HMGA2: variants seen among roughly 807,000 people sequenced by gnomAD.
HMGA2 encodes high mobility group AT-hook 2.
HMGA2 carries 8 observed loss-of-function variants against 19.1 expected under a neutral mutation model. The observed-to-expected ratio is 0.42, with a 90% CI of 0.25 to 0.76. The LOEUF (loss-of-function observed/expected upper bound fraction) is 0.76. Ranked by LOEUF, HMGA2 falls within the 30% of genes least tolerant of loss-of-function variation. HMGA2 has a pLI of 0.28. For missense variants in HMGA2, 109 were observed against 136.3 expected (o/e 0.80, Z 1.00); for synonymous variants, 60 against 48.8 (o/e 1.23, Z -0.96).
intron 3 of HMGA2, among the ~76,000 whole-genome samples, chr12:65,904,628 A>G (rs754547744): frequency 6.6e-6 from 1 of 152,314 alleles, no homozygotes; most frequent in Non-Finnish European, 1.5e-5. Context: ...AATTGATTCA[A>G]ATAATTGTTT....
rs1250516600 is a variant in HMGA2 at position 65,896,101 on chromosome 12, A to T, written c.250-55282A>T. Among the ~76,000 whole-genome samples the T allele has an allele frequency of 2.0e-5, 3 of 152,354 alleles. No homozygotes were observed. In the East Asian group the frequency reaches 5.8e-4, roughly 29 times the overall value. ...TACTATAAAATGGTGGTTTGAGTAG[A>T]AGTTCTGTAGTTCATCCTTATCAGA... On this transcript the variant is annotated intron_variant, in intron 3 of 4. Coordinates refer to ENST00000403681, the MANE Select transcript of HMGA2 (RefSeq NM_003483.6).
At chr12:65,934,062 T>C (rs1410112603) in intron 3 of HMGA2, among the ~76,000 whole-genome samples, 2 of 152,232 alleles carry the variant, frequency 1.3e-5, no homozygotes, top group African/African-American at 4.8e-5. Context: ...TTACATGTGT[T>C]TGTATATTCA....
intron 3 of HMGA2, among the ~76,000 whole-genome samples, chr12:65,875,337 T>G (rs1490707806): frequency 1.3e-5 from 2 of 152,220 alleles, no homozygotes; most frequent in Non-Finnish European, 2.9e-5. Context: ...GCTTGCAGTT[T>G]ATGACAACTG....
At chr12:65,919,100 T>G (rs1475624457) in intron 3 of HMGA2, among the ~76,000 whole-genome samples, 1 of 152,200 alleles carries the variant, frequency 6.6e-6, no homozygotes, top group African/African-American at 2.4e-5. Context: ...GATAAGAACA[T>G]TTATCAGACC....
rs1024126561 is a variant in HMGA2, at chr12:65,886,195, GT to G, written c.249+47628del. Among the ~76,000 whole-genome samples the G allele has an allele frequency of 2.6e-5, 4 of 152,186 alleles. No individual in the cohort carries two copies. The South Asian group carries it at 6.2e-4, about 24-fold the overall frequency. ...TTTATTTTCACCATTCTTAAAAACT[GT>G]TCATTGACTAAATGATACACAGATT... On this transcript the variant is annotated intron_variant, in intron 3 of 4. Coordinates refer to ENST00000403681, the MANE Select transcript of HMGA2 (RefSeq NM_003483.6).
intron 3 of HMGA2, among the ~76,000 whole-genome samples, chr12:65,927,449 G>A (rs1360838398): frequency 3.9e-5 from 6 of 152,164 alleles, no homozygotes; most frequent in African/African-American, 1.4e-4. Flanking sequence ...AAACCACACT[G>A]GAAAAGACAG....
chr12:65,934,816 T>G (rs1875837923), intron 3 of HMGA2: 1 of 152,172 alleles, frequency 6.6e-6, no homozygotes, highest in Non-Finnish European at 1.5e-5. Context: ...GCATGAGTGG[T>G]GAGTATCCAT....
At chr12:65,870,932 G>T (rs1012381963) in intron 3 of HMGA2, among the ~76,000 whole-genome samples, 2 of 152,158 alleles carry the variant, frequency 1.3e-5, no homozygotes, top group Admixed American at 6.5e-5. Flanking sequence ...ACGCTTTGTG[G>T]TAGCAGGTCA....
At chr12:65,915,515 T>C in intron 3 of HMGA2, 7 of 1,182,670 alleles carry the variant, frequency 5.9e-6, no homozygotes, top group Non-Finnish European at 7.4e-6. Context: ...ATAAAACAGA[T>C]GCTTAAAAAG....
At chr12:65,886,834 G>C (rs1212921669) in intron 3 of HMGA2, among the ~76,000 whole-genome samples, 1 of 152,102 alleles carries the variant, frequency 6.6e-6, no homozygotes, top group African/African-American at 2.4e-5. Flanking sequence ...AACCCACAGC[G>C]GTCACTTTCA....
chr12:65,898,723 C>T (rs1002710442), intron 3 of HMGA2, among the ~76,000 whole-genome samples: 6 of 152,102 alleles, frequency 3.9e-5, no homozygotes, highest in African/African-American at 1.4e-4. Flanking sequence ...AGCCTCCCTG[C>T]CAAATCATGT....
At chr12:65,950,361 T>C (rs1206908003) in intron 3 of HMGA2, among the ~76,000 whole-genome samples, 1 of 152,150 alleles carries the variant, frequency 6.6e-6, no homozygotes, top group Non-Finnish European at 1.5e-5. Flanking sequence ...CAAGGGAAAA[T>C]TATTTAGCAT....
At chr12:65,923,949 G>T (rs994079915) in intron 3 of HMGA2, among the ~76,000 whole-genome samples, 1 of 152,166 alleles carries the variant, frequency 6.6e-6, no homozygotes, top group Non-Finnish European at 1.5e-5. Context: ...GGCGGAGGTT[G>T]CAGTGAGCCA....
At chr12:65,870,587 A>G (rs1218740583) in intron 3 of HMGA2, among the ~76,000 whole-genome samples, 2 of 152,130 alleles carry the variant, frequency 1.3e-5, no homozygotes, top group African/African-American at 2.4e-5. Flanking sequence ...AAAATTAGCC[A>G]GGCGTGGTGG....
intron 3 of HMGA2, chr12:65,915,053 C>T: frequency 6.2e-7 from 1 of 1,613,552 alleles, no homozygotes; most frequent in Non-Finnish European, 8.5e-7. Context: ...GATGTCATAT[C>T]CACAGGACAA....
At chr12:65,848,832 C>A (rs191390721) in intron 3 of HMGA2, among the ~76,000 whole-genome samples, 1 of 151,758 alleles carries the variant, frequency 6.6e-6, no homozygotes, top group Non-Finnish European at 1.5e-5. Flanking sequence ...GTCCGCAGTC[C>A]GACCTGGGCG....
chr12:65,952,417 A>G, intron 4 of HMGA2: 1 of 1,534,736 alleles, frequency 6.5e-7, no homozygotes, highest in South Asian at 1.2e-5. Flanking sequence ...CTGTTCTCTA[A>G]AAATGCCACT....
Position 65,834,707 on chromosome 12 carries a change from T to C in HMGA2, c.199-3812T>C, listed in dbSNP as rs1245660458. Among the ~76,000 whole-genome samples the C allele has an allele frequency of 2.6e-5, 4 of 151,964 alleles. No homozygotes were observed. In the South Asian group the frequency reaches 6.2e-4, roughly 24 times the overall value. On this transcript the variant is annotated intron_variant, in intron 2 of 4. Transcript: ENST00000403681. Reference sequence around the variant, plus strand: ...TACACGAGGCACTAGTGCTAAGCACTGTTTTCAAGCTCAAGAGATGTATTT... The same window carrying C: ...TACACGAGGCACTAGTGCTAAGCACCGTTTTCAAGCTCAAGAGATGTATTT...
chr12:65,942,912 C>T (rs35083527), intron 3 of HMGA2, among the ~76,000 whole-genome samples: 24,650 of 152,058 alleles, frequency 0.16, 2,550 homozygotes, highest in South Asian at 0.32. Flanking sequence ...TTTTCTTCTA[C>T]TTCGTCTTCA....
Sources: allele counts gnomAD v4.1 joint callset (sites outside exome capture counted in the v4.1 genomes callset), GRCh38; gene constraint gnomAD v4.1.1; transcripts MANE v1.5; gene names NCBI Gene and HGNC (gene_info 2026-07-23, HGNC 2026-07-21).